UBE2E2: variants seen among roughly 807,000 people sequenced by gnomAD.
UBE2E2 encodes the protein ubiquitin-conjugating enzyme E2 E2.
A neutral mutation model predicts 24.7 loss-of-function variants in UBE2E2; 6 were observed. That is an observed-to-expected ratio of 0.24 (90% CI 0.13 to 0.48). The LOEUF is 0.48. Ranked by LOEUF, UBE2E2 falls within the 20% of genes least tolerant of loss-of-function variation. UBE2E2 has a pLI of 0.99. For synonymous variants in UBE2E2, 104 were observed against 83.6 expected (o/e 1.24, Z -1.33); for missense variants, 169 against 245.0 (o/e 0.69, Z 2.07).
chr3:23,588,933 C>A (rs988700821), intron 5 of UBE2E2, among the ~76,000 whole-genome samples: 3 of 152,170 alleles, frequency 2.0e-5, no homozygotes, highest in African/African-American at 7.2e-5. Flanking sequence ...AGTGGACCAT[C>A]TCTCCCCTCT....
intron 3 of UBE2E2, among the ~76,000 whole-genome samples, chr3:23,428,265 T>C (rs1026087774): frequency 1.3e-5 from 2 of 152,176 alleles, no homozygotes; most frequent in Non-Finnish European, 2.9e-5. Flanking sequence ...AATCTCAAAA[T>C]ACTTGGAGAT....
chr3:23,436,626 CT>C (rs1242876947), intron 3 of UBE2E2, among the ~76,000 whole-genome samples: 2 of 152,008 alleles, frequency 1.3e-5, no homozygotes, highest in Admixed American at 6.5e-5. Context: ...ACACTCCAAC[CT>C]TGGTGACAGG....
At chr3:23,217,188 G>C in intron 2 of UBE2E2, 74 bp from the exon 3 acceptor site, 1 of 1,313,518 alleles carries the variant, frequency 7.6e-7, no homozygotes, top group Non-Finnish European at 1.1e-6. Flanking sequence ...TTATTAAAAT[G>C]TAACGTTTTA....
At chr3:23,522,214 T>C (rs1185248613) in intron 4 of UBE2E2, among the ~76,000 whole-genome samples, 1 of 148,590 alleles carries the variant, frequency 6.7e-6, no homozygotes, top group Non-Finnish European at 1.5e-5. Context: ...CACTGCAAGC[T>C]CCGCCTCCCG....
chr3:23,400,649 G>C (rs1466923969), intron 3 of UBE2E2, among the ~76,000 whole-genome samples: 1 of 107,148 alleles, frequency 9.3e-6, no homozygotes, highest in African/African-American at 3.9e-5. Context: ...CACATCTCAG[G>C]CCTTTCAGTA....
intron 5 of UBE2E2, among the ~76,000 whole-genome samples, chr3:23,566,224 A>G (rs1053545170): frequency 6.6e-6 from 1 of 152,224 alleles, no homozygotes; most frequent in African/African-American, 2.4e-5. Flanking sequence ...ATAGTATGAT[A>G]AGAACATTGA....
rs554606471 is a variant in UBE2E2, at chr3:23,589,203, C to T, written c.509-531C>T. 5.3e-5 allele frequency among the ~76,000 whole-genome samples: 8 copies of T among 151,882 alleles called. No homozygotes were observed. The highest frequency in any genetic ancestry group is 1.7e-4 in the African/African-American group (7 of 41,428). ...GGCTGAGGCAGGAGGATAACTTGAGCCCAGGAGTTTGAGACTATCCTGGAC... is the reference window on the plus strand; with the variant it reads ...GGCTGAGGCAGGAGGATAACTTGAGTCCAGGAGTTTGAGACTATCCTGGAC... On this transcript the variant is annotated intron_variant, in intron 5 of 5. Transcript: ENST00000396703. This position sits in a 1 kb window ranked among gnomAD's most constrained non-coding sequence, Gnocchi z 4.1.
chr3:23,276,402 A>C (rs1162012832), intron 3 of UBE2E2, among the ~76,000 whole-genome samples: 2 of 152,188 alleles, frequency 1.3e-5, no homozygotes, highest in East Asian at 1.9e-4. Flanking sequence ...GAAAAATTCT[A>C]ATATATAAAC....
chr3:23,552,047 A>G (rs962368605), intron 5 of UBE2E2, among the ~76,000 whole-genome samples: 1 of 152,166 alleles, frequency 6.6e-6, no homozygotes, highest in African/African-American at 2.4e-5. Flanking sequence ...AGCCCCCAAG[A>G]GTCCTCGTCA....
intron 3 of UBE2E2, among the ~76,000 whole-genome samples, chr3:23,234,644 T>G (rs1011567172): frequency 6.6e-6 from 1 of 152,184 alleles, no homozygotes; most frequent in Admixed American, 6.6e-5. Flanking sequence ...CATAGTCTTT[T>G]GGAGGCTTGG....
intron 3 of UBE2E2, among the ~76,000 whole-genome samples, chr3:23,456,889 C>T (rs145327323): frequency 2.7e-4 from 41 of 152,156 alleles, no homozygotes; most frequent in African/African-American, 8.7e-4. Flanking sequence ...CTCTCTAGCT[C>T]GGAAAGTCCT....
At chr3:23,422,301 G>T (rs796477000) in intron 3 of UBE2E2, among the ~76,000 whole-genome samples, 6 of 152,204 alleles carry the variant, frequency 3.9e-5, no homozygotes, top group African/African-American at 7.2e-5. Flanking sequence ...AACATGGGCA[G>T]GTTAAGTTCT....
chr3:23,218,071 G>T (rs1696527127), intron 3 of UBE2E2, among the ~76,000 whole-genome samples: 1 of 152,004 alleles, frequency 6.6e-6, no homozygotes, highest in South Asian at 2.1e-4. Flanking sequence ...AGTTTTTCTG[G>T]TTTAAAATGA....
chr3:23,344,308 G>C (rs554852991), intron 3 of UBE2E2, among the ~76,000 whole-genome samples: 2 of 152,048 alleles, frequency 1.3e-5, no homozygotes, highest in South Asian at 4.2e-4. Context: ...TCTAGCCTCC[G>C]ACTCTTGAAA....
chr3:23,368,864 A>G (rs1034088968), intron 3 of UBE2E2, among the ~76,000 whole-genome samples: 4 of 152,216 alleles, frequency 2.6e-5, no homozygotes, highest in Non-Finnish European at 5.9e-5. Context: ...TTCAAAGAGA[A>G]TGGTGTACCA....
rs59806964 is a variant in UBE2E2 at position 23,524,865 on chromosome 3, G to GACACACACACACACAC, written c.361-7676_361-7661dup. On this transcript the variant is annotated intron_variant, in intron 4 of 5. Coordinates refer to ENST00000396703, the MANE Select transcript of UBE2E2 (RefSeq NM_152653.4). ...AGATACAGATACACACAGACACACAGACACACACACACACACACACACACA... is the reference window on the plus strand; with the variant it reads ...AGATACAGATACACACAGACACACAGACACACACACACACACACACACACACACACACACACACACA... 3.8e-3 allele frequency among the ~76,000 whole-genome samples: 565 copies of GACACACACACACACAC among 147,524 alleles called. 4 individuals carry two copies. Among genetic ancestry groups the GACACACACACACACAC allele is most frequent in the African/African-American group, 0.012 (484 of 40,068 alleles).
chr3:23,278,088 G>A (rs9847027), intron 3 of UBE2E2, among the ~76,000 whole-genome samples: 1 of 151,802 alleles, frequency 6.6e-6, no homozygotes, highest in Non-Finnish European at 1.5e-5. Context: ...GAGTGGAAAA[G>A]GTATGCAAAT....
intron 3 of UBE2E2, among the ~76,000 whole-genome samples, chr3:23,271,500 T>A (rs1225005862): frequency 6.6e-6 from 1 of 152,220 alleles, no homozygotes; most frequent in Admixed American, 6.5e-5. Flanking sequence ...GGCAGCCTGC[T>A]TTTATTCCCT....
chr3:23,354,082 A>G (rs907137440), intron 3 of UBE2E2, among the ~76,000 whole-genome samples: 3 of 152,186 alleles, frequency 2.0e-5, no homozygotes, highest in East Asian at 1.9e-4. Flanking sequence ...AAATAACGCC[A>G]CATATCTACA....
Sources: gnomAD v4.1 joint callset for allele counts (sites outside exome capture counted in the v4.1 genomes callset) on GRCh38, gnomAD v4.1.1 for gene constraint, Gnocchi (gnomAD v3.1) non-coding constraint, MANE v1.5 for transcripts, NCBI Gene and HGNC (gene_info 2026-07-23, HGNC 2026-07-21) for gene names.